RBFOX1: variants seen among roughly 807,000 people sequenced by gnomAD.
RBFOX1 encodes the protein RNA binding fox-1 homolog 1.
In RBFOX1, 8 loss-of-function variants were observed where a neutral mutation model predicts 57.7. That is an observed-to-expected ratio of 0.14 (90% CI 0.08 to 0.25). The LOEUF (loss-of-function observed/expected upper bound fraction) is 0.25, where lower values mean the gene tolerates loss of function less well. Ranked by LOEUF, RBFOX1 falls within the 10% of genes least tolerant of loss-of-function variation. The pLI is 1.00. For missense variants in RBFOX1, 611 were observed against 548.5 expected, an observed-to-expected ratio of 1.11 and a Z score of -1.14; for synonymous variants, 326 against 222.4, an observed-to-expected ratio of 1.47 and a Z score of -4.15.
chr16:7,486,969 G>A (rs11644398), intron 4 of RBFOX1, among the ~76,000 whole-genome samples: 23 of 152,098 alleles, frequency 1.5e-4, no homozygotes, highest in Admixed American at 4.6e-4. Flanking sequence ...GCACAATCTC[G>A]GCTCACTGCA....
chr16:5,705,076 T>G (rs1226121562), intron 3 of RBFOX1, among the ~76,000 whole-genome samples: 1 of 152,066 alleles, frequency 6.6e-6, no homozygotes, highest in Non-Finnish European at 1.5e-5. Flanking sequence ...TAACCACACA[T>G]TGTATGTCAT....
chr16:5,254,246 G>A (rs1005823887), intron 1 of RBFOX1, among the ~76,000 whole-genome samples: 1 of 152,148 alleles, frequency 6.6e-6, no homozygotes, highest in African/African-American at 2.4e-5. Context: ...TGGTCGCTGG[G>A]TGCACACTCT....
chr16:7,025,786 G>A (rs2040730393), intron 3 of RBFOX1, among the ~76,000 whole-genome samples: 1 of 152,138 alleles, frequency 6.6e-6, no homozygotes, highest in Non-Finnish European at 1.5e-5. Flanking sequence ...GAGATGGCCA[G>A]CAGATGGCGC....
At chr16:6,767,645 G>C (rs112925458) in intron 3 of RBFOX1, among the ~76,000 whole-genome samples, 5 of 152,174 alleles carry the variant, frequency 3.3e-5, no homozygotes, top group Admixed American at 1.3e-4. Flanking sequence ...GCTAGGTGTG[G>C]TGGCTTATGC....
intron 5 of RBFOX1, among the ~76,000 whole-genome samples, chr16:7,553,680 G>A (rs891838189): frequency 3.9e-5 from 6 of 152,192 alleles, no homozygotes; most frequent in African/African-American, 1.4e-4. Context: ...CCAAGATGCA[G>A]CTGTGTCCTA....
At chr16:5,611,626 C>G (rs1452120903) in intron 3 of RBFOX1, among the ~76,000 whole-genome samples, 4 of 152,126 alleles carry the variant, frequency 2.6e-5, no homozygotes, top group African/African-American at 9.7e-5. Flanking sequence ...ACCTATCCAT[C>G]TGTTCATCCA....
chr16:6,297,908 G>C (rs1173196586), intron 1 of RBFOX1, among the ~76,000 whole-genome samples: 1 of 152,130 alleles, frequency 6.6e-6, no homozygotes, highest in African/African-American at 2.4e-5. Context: ...CATCTATCCA[G>C]ATGAGAGCCA....
At chr16:5,528,902 G>A (rs979365092) in intron 2 of RBFOX1, among the ~76,000 whole-genome samples, 1 of 151,898 alleles carries the variant, frequency 6.6e-6, no homozygotes, top group Non-Finnish European at 1.5e-5. Flanking sequence ...CATCTGCTTC[G>A]GCCTCCCAAA....
In RBFOX1 at chr16:7,589,912, G is replaced by GGGGTGTGTGTGT. The variant is rs71394324; in HGVS notation, c.468+2613_468+2614insGGTGTGTGTGTG. ...TCAATGCTGAAGGCTGTGTGTGCTGGGTGTGTGTGTGTGTGTGTGTGTGTG... is the reference window on the plus strand; with the variant it reads ...TCAATGCTGAAGGCTGTGTGTGCTGGGGGTGTGTGTGTGTGTGTGTGTGTGTGTGTGTGTGTG... On this transcript the variant is annotated intron_variant, in intron 7 of 15. Transcript: ENST00000550418. Among the ~76,000 whole-genome samples the GGGGTGTGTGTGT allele has an allele frequency of 3.3e-4, 45 of 135,052 alleles. 1 individual carries two copies. The East Asian group carries it at 6.0e-3, about 18-fold the overall frequency. 88.6% of individuals were successfully genotyped at this position (135,052 alleles called of 152,430 possible).
chr16:6,379,733 A>G (rs1229626785), intron 2 of RBFOX1, among the ~76,000 whole-genome samples: 2 of 151,998 alleles, frequency 1.3e-5, no homozygotes, highest in African/African-American at 4.8e-5. Flanking sequence ...TGGTGGGAAT[A>G]TGCCAGAGAC....
intron 2 of RBFOX1, among the ~76,000 whole-genome samples, chr16:6,361,453 C>T (rs1226177517): frequency 1.3e-5 from 2 of 152,000 alleles, no homozygotes; most frequent in African/African-American, 2.4e-5. Context: ...TATGGTGACA[C>T]CCCGTGTCTA....
intron 3 of RBFOX1, among the ~76,000 whole-genome samples, chr16:6,887,288 TGTG>T (rs897761282): frequency 1.3e-5 from 2 of 152,248 alleles, no homozygotes; most frequent in African/African-American, 4.8e-5. Flanking sequence ...TGTTTCAAAG[TGTG>T]GTGGGGTTAT....
At chr16:5,319,023 A>C (rs1419621143) in intron 1 of RBFOX1, among the ~76,000 whole-genome samples, 1 of 152,116 alleles carries the variant, frequency 6.6e-6, no homozygotes, top group African/African-American at 2.4e-5. Flanking sequence ...GCTACTTGGG[A>C]GGCTGAGGCA....
intron 1 of RBFOX1, among the ~76,000 whole-genome samples, chr16:6,028,040 G>A (rs1193532547): frequency 6.6e-6 from 1 of 152,178 alleles, no homozygotes; most frequent in Non-Finnish European, 1.5e-5. Flanking sequence ...AGTAGCCCTG[G>A]CTAGATCCCA....
intron 4 of RBFOX1, among the ~76,000 whole-genome samples, chr16:7,488,350 TAG>T (rs2065962962): frequency 6.6e-6 from 1 of 152,218 alleles, no homozygotes; most frequent in Middle Eastern, 3.2e-3. Context: ...GATAGTTGGA[TAG>T]ATACACATTT....
intron 4 of RBFOX1, among the ~76,000 whole-genome samples, chr16:7,504,645 A>C (rs969957743): frequency 7.1e-6 from 1 of 140,778 alleles, no homozygotes; most frequent in Non-Finnish European, 1.5e-5. Flanking sequence ...ATGTTTCCTT[A>C]TCTGTGAAGT....
chr16:7,694,169 A>G (rs927676956), intron 14 of RBFOX1, among the ~76,000 whole-genome samples: 1 of 152,214 alleles, frequency 6.6e-6, no homozygotes, highest in Non-Finnish European at 1.5e-5. Context: ...TGACCAAAAC[A>G]ATCACTAGGA....
chr16:6,957,107 T>G lies in RBFOX1; in HGVS notation c.-15-94950T>G, dbSNP rs1022334713. On this transcript the variant is annotated intron_variant, in intron 3 of 15. Coordinates refer to ENST00000550418, the MANE Select transcript of RBFOX1 (RefSeq NM_018723.4). ...TTTTTGGTTATTTATTTTATTTTTT[T>G]ATTTTTATTTTTATTTATTTATTTA... 2.1e-4 allele frequency among the ~76,000 whole-genome samples: 30 copies of G among 141,814 alleles called. 1 individual carries two copies. In the East Asian group the frequency reaches 5.6e-3, roughly 26 times the overall value. The allele number at this position is 141,814 out of a possible 152,430, so 93.0% of individuals were successfully genotyped here.
At chr16:6,366,498 G>A (rs1260636063) in intron 2 of RBFOX1, among the ~76,000 whole-genome samples, 1 of 152,104 alleles carries the variant, frequency 6.6e-6, no homozygotes, top group African/African-American at 2.4e-5. Context: ...AGGTAAGAAT[G>A]GATTCGTTGT....
Sources: gnomAD v4.1 joint callset for allele counts (sites outside exome capture counted in the v4.1 genomes callset) on GRCh38, gnomAD v4.1.1 for gene constraint, MANE v1.5 for transcripts, NCBI Gene and HGNC (gene_info 2026-07-23, HGNC 2026-07-21) for gene names.